Variants in PPCS observed in about 807,000 individuals in gnomAD.
The protein encoded by PPCS is phosphopantothenate--cysteine ligase.
A neutral mutation model predicts 24.6 loss-of-function variants in PPCS; 17 were observed. The observed-to-expected ratio is 0.69, with a 90% confidence interval of 0.47 to 1.04. The LOEUF is 1.04. Ranked by LOEUF, PPCS falls within the 50% of genes least tolerant of loss-of-function variation. PPCS has a pLI of 0.00. For synonymous variants in PPCS, 190 were observed against 168.3 expected (o/e 1.13, Z -1.00); for missense variants, 360 against 402.8 (o/e 0.89, Z 0.91).
rs138937614 is a variant in PPCS, at chr1:42,471,219, A to G, written n.378-1903A>G. On this transcript the variant is annotated intron_variant and non_coding_transcript_variant, in intron 2 of 2. Transcript: ENST00000471420. Reference sequence around the variant, plus strand: ...GCCTGTACCGTCCTACTGATCAGCAAGGATCAGATCCAAAGGTATTTTCCA... The same window carrying G: ...GCCTGTACCGTCCTACTGATCAGCAGGGATCAGATCCAAAGGTATTTTCCA... Among the ~76,000 whole-genome samples the G allele has an allele frequency of 2.3e-3, 346 of 152,284 alleles. 2 individuals are homozygous for G. Among genetic ancestry groups the G allele is most frequent in the African/African-American group, 8.0e-3 (333 of 41,562 alleles).
At chr1:42,461,691 C>T (rs138986108), downstream of PPCS, among the ~76,000 whole-genome samples, 20,018 of 151,952 alleles carry the variant, frequency 0.13, 1,491 homozygotes, top group East Asian at 0.18. Flanking sequence ...GGACTACAGG[C>T]GCCCGCCACC....
downstream of PPCS, among the ~76,000 whole-genome samples, chr1:42,463,056 T>C (rs947114964): frequency 1.3e-5 from 2 of 152,224 alleles, no homozygotes; most frequent in African/African-American, 2.4e-5. Flanking sequence ...ATGTATTCGC[T>C]AAGTCGCAAA....
Position 42,456,956 on chromosome 1 carries a change from G to T in PPCS, c.391G>T (p.Ala131Ser), listed in dbSNP as rs1239024376. Residue 131 changes from alanine (A) to serine (S), a missense_variant, in exon 1 of 3, where the codon GCT becomes TCT. This residue lies in a region of PPCS where 244 missense variants were observed against 234.7 expected (regional missense o/e 1.04). Transcript: ENST00000372561. ...GAATGCACTTCCGGGTTTTGCTGAG[G>T]CTCTGAGGAGCTACCAGGAGGCTGC... ...EENALPGFAE[A>S]LRSYQEAAAA... 4 of 1,604,652 alleles carry T rather than the reference G, an allele frequency of 2.5e-6. No homozygotes were observed. Among genetic ancestry groups the T allele is most frequent in the African/African-American group, 2.7e-5 (2 of 74,948 alleles).
At chr1:42,473,361 A>G (rs1211666222) in exon 3 of PPCS, 2 of 976,864 alleles carry the variant, frequency 2.0e-6, no homozygotes, top group Non-Finnish European at 2.6e-6. Flanking sequence ...ATTGCCCTTC[A>G]TTAAATTGAC....
At chr1:42,471,520 C>G (rs1643770358) in intron 2 of PPCS, among the ~76,000 whole-genome samples, 2 of 152,126 alleles carry the variant, frequency 1.3e-5, no homozygotes, top group Non-Finnish European at 2.9e-5. Flanking sequence ...TCACATATTT[C>G]TTAGCATTTT....
chr1:42,464,499 T>C (rs112421980), downstream of PPCS, among the ~76,000 whole-genome samples: 924 of 152,348 alleles, frequency 6.1e-3, 6 homozygotes, highest in African/African-American at 0.021. Flanking sequence ...TCTTTTCCTG[T>C]CAATTTCTGA....
chr1:42,461,459 C>T (rs1388683217), downstream of PPCS, among the ~76,000 whole-genome samples: 1 of 152,106 alleles, frequency 6.6e-6, no homozygotes, highest in Non-Finnish European at 1.5e-5. Flanking sequence ...CCACAGCCTT[C>T]TGAGCAGCTG....
In PPCS at chr1:42,459,697, C is replaced by T; in HGVS notation, c.707C>T (p.Pro236Leu). The change falls in exon 3 of 3, where the codon CCC (proline) becomes CTC (leucine). Residue 236 changes from proline to leucine, a missense_variant. This residue lies in a region of PPCS where 116 missense variants were observed against 168.1 expected (regional missense o/e 0.69). Coordinates refer to ENST00000372561, the MANE Select transcript of PPCS (RefSeq NM_024664.4). ...FIISFKLETD[P>L]AIVINRARKA... ...ATTTCCTTTAAGTTGGAGACTGACC[C>T]CGCCATTGTAATTAATCGAGCTCGG... 6.2e-7 allele frequency: 1 copy of T among 1,614,190 alleles called. No individual in the cohort carries two copies. The highest frequency in any genetic ancestry group is 8.5e-7 in the Non-Finnish European group (1 of 1,180,026).
intron 2 of PPCS, among the ~76,000 whole-genome samples, chr1:42,469,064 A>T (rs1643681150): frequency 6.6e-6 from 1 of 152,104 alleles, no homozygotes. Flanking sequence ...GACGTACAGC[A>T]AAGAGATCAT....
At chr1:42,470,021 T>A (rs1643716357) in intron 2 of PPCS, among the ~76,000 whole-genome samples, 1 of 152,172 alleles carries the variant, frequency 6.6e-6, no homozygotes, top group Non-Finnish European at 1.5e-5. Context: ...CTCAGCAACC[T>A]AAAATAGGTG....
intron 2 of PPCS, among the ~76,000 whole-genome samples, chr1:42,457,936 C>T (rs1569608403): frequency 7.0e-6 from 1 of 143,738 alleles, no homozygotes; most frequent in South Asian, 2.2e-4. Context: ...GCCCGGGCGA[C>T]GAGAGCGATA....
intron 2 of PPCS, among the ~76,000 whole-genome samples, chr1:42,471,335 C>T (rs1643764099): frequency 6.6e-6 from 1 of 152,192 alleles, no homozygotes; most frequent in African/African-American, 2.4e-5. Flanking sequence ...GTTGGGCAAG[C>T]AACCCACAGT....
At chr1:42,473,038 A>G in intron 2 of PPCS, 1 of 1,186,752 alleles carries the variant, frequency 8.4e-7, no homozygotes, top group East Asian at 3.3e-5. Context: ...TAAGGAGACT[A>G]AGGTGGCACC....
In PPCS at chr1:42,457,679, G is replaced by A. The variant is rs1044826119; in HGVS notation, c.612+329G>A. On this transcript the variant is annotated intron_variant, in intron 2 of 2. Coordinates refer to ENST00000372561, the MANE Select transcript of PPCS (RefSeq NM_024664.4). Reference sequence around the variant, plus strand: ...TTTTAAAAGATGAGCAGAACCGAGCGCGGTGGCTCACGCCTGTAATCCCAG... The same window carrying A: ...TTTTAAAAGATGAGCAGAACCGAGCACGGTGGCTCACGCCTGTAATCCCAG... The A allele has an allele frequency of 6.0e-5, 16 of 267,844 alleles. No individual in the cohort carries two copies. The South Asian group carries it at 7.2e-4, about 12-fold the overall frequency. 16.6% of individuals were successfully genotyped at this position (267,844 alleles called of 1,614,324 possible).
intron 2 of PPCS, among the ~76,000 whole-genome samples, chr1:42,469,178 A>G (rs1356605091): frequency 5.3e-5 from 8 of 152,184 alleles, no homozygotes; most frequent in Admixed American, 5.2e-4. Context: ...CCGGTGTTCA[A>G]TTCCAGCCTG....
In PPCS at chr1:42,459,748, A is replaced by G. The variant is rs747351660; in HGVS notation, c.758A>G (p.Gln253Arg). 1.2e-6 allele frequency: 2 copies of G among 1,614,242 alleles called. No individual in the cohort carries two copies. Among genetic ancestry groups the G allele is most frequent in the South Asian group, 2.2e-5 (2 of 91,086 alleles). ...AAGGCTTTGGAAATTTATCAGCATCAAGTGGTGGTGGCTAATATCCTTGAG... is the reference window on the plus strand; with the variant it reads ...AAGGCTTTGGAAATTTATCAGCATCGAGTGGTGGTGGCTAATATCCTTGAG... ...ARKALEIYQH[Q>R]VVVANILESR... The change falls in exon 3 of 3, where the codon CAA (glutamine) becomes CGA (arginine). Residue 253 changes from glutamine (Q) to arginine (R), a missense_variant. Transcript: ENST00000372561.
Position 42,456,976 on chromosome 1 carries a change from G to A in PPCS, c.411G>A (p.Glu137=), listed in dbSNP as rs1387626073. The A allele has an allele frequency of 1.2e-6, 2 of 1,603,324 alleles. No homozygotes were observed. Among genetic ancestry groups the A allele is most frequent in the South Asian group, 1.1e-5 (1 of 91,092 alleles). Reference sequence around the variant, plus strand: ...CTGAGGCTCTGAGGAGCTACCAGGAGGCTGCGGCTGCAGGCACCTTCCTGG... The same window carrying A: ...CTGAGGCTCTGAGGAGCTACCAGGAAGCTGCGGCTGCAGGCACCTTCCTGG... ...GFAEALRSYQ[E]AAAAGTFLAV... Residue 137 remains glutamate (E), a synonymous_variant, in exon 1 of 3, where the codon GAG becomes GAA. Transcript: ENST00000372561.
chr1:42,470,773 G>C (rs1643744905), intron 2 of PPCS, among the ~76,000 whole-genome samples: 1 of 152,164 alleles, frequency 6.6e-6, no homozygotes, highest in Non-Finnish European at 1.5e-5. Flanking sequence ...GAGACAGAAA[G>C]TAGAATAGAG....
chr1:42,471,221 G>C (rs1176883568), intron 2 of PPCS, among the ~76,000 whole-genome samples: 1 of 152,096 alleles, frequency 6.6e-6, no homozygotes, highest in African/African-American at 2.4e-5. Flanking sequence ...GATCAGCAAG[G>C]ATCAGATCCA....
Sources: allele counts gnomAD v4.1 joint callset (sites outside exome capture counted in the v4.1 genomes callset), GRCh38; gene constraint gnomAD v4.1.1; regional missense constraint gnomAD v4.1.1; transcripts MANE v1.5; gene names NCBI Gene and HGNC (gene_info 2026-07-23, HGNC 2026-07-21).